The following PACSIN2 variants were observed in gnomAD, a reference collection of about 807,000 sequenced individuals.
The protein encoded by PACSIN2 is protein kinase C and casein kinase substrate in neurons protein 2.
In PACSIN2, 25 loss-of-function variants were observed where a neutral mutation model predicts 63.8. The observed-to-expected ratio is 0.39, with a 90% CI of 0.29 to 0.55. The LOEUF (loss-of-function observed/expected upper bound fraction) is 0.55, where lower values mean the gene tolerates loss of function less well. PACSIN2 is among the 20% of genes least tolerant of loss of function. The probability of loss-of-function intolerance (pLI) is 0.62; values close to 1 mark genes in which losing one functional copy is unlikely to be tolerated. For synonymous variants in PACSIN2, 255 were observed against 256.2 expected (o/e 1.00, Z 0.05); for missense variants, 518 against 646.9 (o/e 0.80, Z 2.16).
intron 6 of PACSIN2, among the ~76,000 whole-genome samples, chr22:42,883,766 A>G (rs1043900789): frequency 3.9e-5 from 6 of 152,110 alleles, no homozygotes; most frequent in Admixed American, 2.0e-4. Flanking sequence ...AGCACTTTGG[A>G]AGGCCGAGGT....
chr22:42,916,917 C>T (rs2146733990), intron 1 of PACSIN2, among the ~76,000 whole-genome samples: 1 of 152,266 alleles, frequency 6.6e-6, no homozygotes, highest in East Asian at 1.9e-4. Flanking sequence ...GTGACTGGGG[C>T]TGGGTTTGAT....
chr22:42,891,623 C>G (rs1929922146), intron 3 of PACSIN2, among the ~76,000 whole-genome samples: 1 of 152,184 alleles, frequency 6.6e-6, no homozygotes, highest in African/African-American at 2.4e-5. Flanking sequence ...GCTGGCTGAT[C>G]TCGAACTCCT....
At chr22:43,006,639 AC>A (rs2146925852) in intron 1 of PACSIN2, among the ~76,000 whole-genome samples, 1 of 152,060 alleles carries the variant, frequency 6.6e-6, no homozygotes, top group East Asian at 1.9e-4. Flanking sequence ...ACATGGTAAA[AC>A]CCCATCTCTA....
At chr22:42,884,014 A>AAAAAAAGAAAAGAAAAGAAAAG (rs548362401) in intron 6 of PACSIN2, among the ~76,000 whole-genome samples, 48 of 151,978 alleles carry the variant, frequency 3.2e-4, no homozygotes, top group African/African-American at 1.1e-3. Flanking sequence ...TCAAAAAAAA[A>AAAAAAAGAAAAGAAAAGAAAAG]AAAAGAAAAG....
intron 1 of PACSIN2, among the ~76,000 whole-genome samples, chr22:42,930,279 A>T (rs2146772716): frequency 6.6e-6 from 1 of 152,174 alleles, no homozygotes; most frequent in East Asian, 1.9e-4. Flanking sequence ...ATGCAGCCTA[A>T]CTCACACACT....
At chr22:42,893,436 A>G (rs1205350251) in intron 3 of PACSIN2, 21 bp downstream of exon 3, 36 of 1,607,656 alleles carry the variant, frequency 2.2e-5, no homozygotes, top group Non-Finnish European at 3.1e-5. Flanking sequence ...AGGCCACAGG[A>G]CCTGTGCCGG....
chr22:43,013,115 C>A (rs1056992891), intron 1 of PACSIN2, among the ~76,000 whole-genome samples: 3 of 152,336 alleles, frequency 2.0e-5, no homozygotes, highest in Non-Finnish European at 2.9e-5. Flanking sequence ...TATCACATCA[C>A]AACTTCATAT....
intron 1 of PACSIN2, among the ~76,000 whole-genome samples, chr22:42,986,914 T>C (rs77339519): frequency 0.015 from 2,261 of 152,304 alleles, 51 homozygotes; most frequent in African/African-American, 0.051. Context: ...CCACTGCCTA[T>C]ATAATAAAGC....
At position 42,888,755 on chromosome 22, in the gene PACSIN2, T is replaced by C; in HGVS notation, c.497A>G (p.Glu166Gly). 3 of 1,614,234 alleles carry C rather than the reference T, an allele frequency of 1.9e-6. No individual in the cohort carries two copies. The highest frequency in any genetic ancestry group is 1.7e-5 in the Admixed American group (1 of 60,026). The change falls in exon 5 of 11, where the codon GAG becomes GGG. Residue 166 changes from glutamate to glycine, a missense_variant. This residue lies in a region of PACSIN2 where 507 missense variants were observed against 612.3 expected (regional missense o/e 0.83). Coordinates refer to ENST00000263246, the MANE Select transcript of PACSIN2 (RefSeq NM_001184970.3). ...KKAHHAACKE[E>G]KLAISREANS... ...GGCTTCTCGTGAGATAGCCAGCTTC[T>C]CCTCTTTGCACGCTGCATGGTGGGC... is the stretch of plus-strand genomic sequence containing the variant.
At chr22:42,961,311 G>A (rs1934124579) in intron 1 of PACSIN2, among the ~76,000 whole-genome samples, 1 of 152,184 alleles carries the variant, frequency 6.6e-6, no homozygotes, top group South Asian at 2.1e-4. Flanking sequence ...GACAAACACT[G>A]CGGAAGGCCG....
At chr22:42,945,295 TAGTGGCTGC>T (rs1359579018) in intron 1 of PACSIN2, among the ~76,000 whole-genome samples, 3 of 152,082 alleles carry the variant, frequency 2.0e-5, no homozygotes, top group Non-Finnish European at 4.4e-5. Context: ...CTCATTTCTG[TAGTGGCTGC>T]AGTGTGCCTT....
intron 7 of PACSIN2, among the ~76,000 whole-genome samples, chr22:42,881,964 C>T (rs541547528): frequency 2.6e-5 from 4 of 152,358 alleles, no homozygotes; most frequent in South Asian, 2.1e-4. Context: ...AGGACATAAC[C>T]GCGACTTCAG....
intron 5 of PACSIN2, among the ~76,000 whole-genome samples, chr22:42,887,346 T>C (rs1382772158): frequency 1.3e-5 from 2 of 152,170 alleles, no homozygotes; most frequent in Non-Finnish European, 2.9e-5. Context: ...AGGTCAGAAG[T>C]TCCTGCTCTC....
At position 42,908,307 on chromosome 22, in the gene PACSIN2, G is replaced by T. The variant is rs944438853; in HGVS notation, c.60+3714C>A. On this transcript the variant is annotated intron_variant, in intron 2 of 10. Coordinates refer to ENST00000263246, the MANE Select transcript of PACSIN2 (RefSeq NM_001184970.3). ...GCCTGGCCCCCAAGGAGCCTTCAGAGATGCAGGCAGCGGCTCTCAGCCCTG... is the reference window on the plus strand; with the variant it reads ...GCCTGGCCCCCAAGGAGCCTTCAGATATGCAGGCAGCGGCTCTCAGCCCTG... Among the ~76,000 whole-genome samples, 6 of 152,182 alleles carry T rather than the reference G, an allele frequency of 3.9e-5. No homozygotes were observed. The South Asian group carries it at 8.3e-4, about 21-fold the overall frequency.
intron 2 of PACSIN2, among the ~76,000 whole-genome samples, chr22:42,900,074 C>T (rs1405479810): frequency 4.6e-5 from 7 of 152,146 alleles, no homozygotes; most frequent in South Asian, 4.1e-4. Flanking sequence ...CTTTTCCCCA[C>T]GCAGGCTTCC....
At chr22:42,907,166 G>T (rs2267467) in intron 2 of PACSIN2, among the ~76,000 whole-genome samples, 1 of 152,226 alleles carries the variant, frequency 6.6e-6, no homozygotes, top group South Asian at 2.1e-4. Context: ...CTGGAGCCCA[G>T]GGCAGAGCTT....
intron 5 of PACSIN2, 71 bp from the exon 6 acceptor site, chr22:42,884,632 T>A: frequency 7.9e-7 from 1 of 1,264,848 alleles, no homozygotes. Flanking sequence ...GCCCCTGGAG[T>A]GTCTCAGGCC....
chr22:42,993,401 C>T (rs1427369650), intron 1 of PACSIN2, among the ~76,000 whole-genome samples: 2 of 152,196 alleles, frequency 1.3e-5, no homozygotes, highest in Non-Finnish European at 2.9e-5. Context: ...TATGCCAAAA[C>T]TTATCGCCTG....
At chr22:42,929,128 G>A (rs927001596) in intron 1 of PACSIN2, among the ~76,000 whole-genome samples, 4 of 152,232 alleles carry the variant, frequency 2.6e-5, no homozygotes, top group African/African-American at 4.8e-5. Context: ...CAGGCCTGAC[G>A]GCCGCCCTGT....
Sources: allele counts gnomAD v4.1 joint callset (sites outside exome capture counted in the v4.1 genomes callset), GRCh38; gene constraint gnomAD v4.1.1; regional missense constraint gnomAD v4.1.1; transcripts MANE v1.5; gene names NCBI Gene and HGNC (gene_info 2026-07-23, HGNC 2026-07-21).